PHACTR1: variants seen among roughly 807,000 people sequenced by gnomAD.
PHACTR1 encodes the protein RPEL repeat containing 1.
PHACTR1 carries 16 observed loss-of-function variants against 69.2 expected under a neutral mutation model. The ratio of observed to expected loss-of-function variants is 0.23; its 90% CI spans 0.16 to 0.35. PHACTR1 has a LOEUF of 0.35. Ranked by LOEUF, PHACTR1 falls within the 10% of genes least tolerant of loss-of-function variation. The pLI is 1.00. For synonymous variants in PHACTR1, 312 were observed against 284.5 expected (o/e 1.10, Z -0.97); for missense variants, 510 against 734.7 (o/e 0.69, Z 3.54).
intron 4 of PHACTR1, among the ~76,000 whole-genome samples, chr6:12,900,153 G>A (rs1342773702): frequency 6.6e-6 from 1 of 152,098 alleles, no homozygotes; most frequent in Non-Finnish European, 1.5e-5. Context: ...CAAACCACTT[G>A]TTCTTCCTCT....
At chr6:13,278,445 C>A in intron 12 of PHACTR1, 116 bp downstream of exon 12, 5 of 841,940 alleles carry the variant, frequency 5.9e-6, no homozygotes, top group Non-Finnish European at 9.5e-6. Flanking sequence ...CCTCCTGTGT[C>A]AGAGAGTGCC....
intron 8 of PHACTR1, among the ~76,000 whole-genome samples, chr6:13,210,805 GGTTTGGGTAAGTCTGTTT>G (rs1766695387): frequency 6.6e-6 from 1 of 151,892 alleles, no homozygotes; most frequent in Non-Finnish European, 1.5e-5. Flanking sequence ...ACCCTAGAAT[GGTTTGGGTAAGTCTGTTT>G]GTTTGGGTAA....
intron 9 of PHACTR1, among the ~76,000 whole-genome samples, chr6:13,229,830 C>T (rs568969785): frequency 6.6e-6 from 1 of 152,366 alleles, no homozygotes; most frequent in South Asian, 2.1e-4. Flanking sequence ...TCACAGGTTC[C>T]CCATGTGCTG....
chr6:13,286,992 G>A, intron 14 of PHACTR1, 71 bp from the exon 15 acceptor site: 2 of 1,532,472 alleles, frequency 1.3e-6, no homozygotes, highest in African/African-American at 1.4e-5. Context: ...CCCTGAAGAT[G>A]GGAGATTGGA....
chr6:13,157,531 G>T (rs942422404), intron 5 of PHACTR1, among the ~76,000 whole-genome samples: 2 of 152,192 alleles, frequency 1.3e-5, no homozygotes, highest in Admixed American at 6.5e-5. Context: ...TGTCCAGATG[G>T]CTGAGTGCTT....
intron 4 of PHACTR1, among the ~76,000 whole-genome samples, chr6:12,946,605 G>A (rs1033251228): frequency 1.3e-5 from 2 of 152,264 alleles, no homozygotes; most frequent in Non-Finnish European, 2.9e-5. Flanking sequence ...TGGCTTGAGA[G>A]AGAACTCAAC....
At chr6:13,097,148 T>C (rs890056042) in intron 5 of PHACTR1, among the ~76,000 whole-genome samples, 1 of 152,232 alleles carries the variant, frequency 6.6e-6, no homozygotes, top group Non-Finnish European at 1.5e-5. Flanking sequence ...CACACAATTA[T>C]AGACAGGGTC....
intron 4 of PHACTR1, among the ~76,000 whole-genome samples, chr6:12,819,276 A>T (rs527319231): frequency 6.6e-6 from 1 of 152,296 alleles, no homozygotes; most frequent in South Asian, 2.1e-4. Context: ...TTGAAAGGAA[A>T]ATTCTCTGCA....
At chr6:12,938,721 C>A (rs1284281685) in intron 4 of PHACTR1, among the ~76,000 whole-genome samples, 1 of 152,174 alleles carries the variant, frequency 6.6e-6, no homozygotes, top group Non-Finnish European at 1.5e-5. Flanking sequence ...TCCCCAGACT[C>A]CCATCTCCAA....
intron 6 of PHACTR1, among the ~76,000 whole-genome samples, chr6:13,174,716 T>TTC (rs34927928): frequency 0.33 from 50,004 of 150,132 alleles, 8,530 homozygotes; most frequent in Admixed American, 0.4. Context: ...ATCACATACA[T>TTC]TCTCTCTCTC....
chr6:13,095,749 C>CTTTTTTTTTTTTTTTTT (rs140109520), intron 5 of PHACTR1, among the ~76,000 whole-genome samples: 2 of 77,210 alleles, frequency 2.6e-5, no homozygotes, highest in African/African-American at 5.1e-5. Flanking sequence ...TTGTGAAGGG[C>CTTTTTTTTTTTTTTTTT]TTTTTTTTTT....
At chr6:12,805,370 T>A (rs1278650295) in intron 4 of PHACTR1, among the ~76,000 whole-genome samples, 1 of 152,220 alleles carries the variant, frequency 6.6e-6, no homozygotes, top group Non-Finnish European at 1.5e-5. Flanking sequence ...TTTCTAGAAG[T>A]GCGACACGTT....
intron 3 of PHACTR1, among the ~76,000 whole-genome samples, chr6:12,720,321 A>AG (rs2127555669): frequency 6.6e-6 from 1 of 152,342 alleles, no homozygotes; most frequent in Admixed American, 6.5e-5. Flanking sequence ...CAAAACAGAA[A>AG]GGGGGGCAGC....
intron 4 of PHACTR1, among the ~76,000 whole-genome samples, chr6:12,893,000 AAGAG>A (rs1003322113): frequency 6.6e-6 from 1 of 152,050 alleles, no homozygotes; most frequent in Admixed American, 6.5e-5. Context: ...CCAGAGAAGG[AAGAG>A]AGAGAGAGAA....
intron 10 of PHACTR1, among the ~76,000 whole-genome samples, chr6:13,259,875 A>T (rs1775672339): frequency 6.6e-6 from 1 of 152,208 alleles, no homozygotes; most frequent in African/African-American, 2.4e-5. Flanking sequence ...GCCTGGGAAG[A>T]GCTGGGCGTG....
chr6:12,810,871 T>G (rs1403980909), intron 4 of PHACTR1, among the ~76,000 whole-genome samples: 2 of 152,248 alleles, frequency 1.3e-5, no homozygotes, highest in African/African-American at 4.8e-5. Flanking sequence ...GTCTCTCACA[T>G]TCTAACTCCT....
At chr6:12,898,503 G>A (rs761152107) in intron 4 of PHACTR1, among the ~76,000 whole-genome samples, 1 of 152,176 alleles carries the variant, frequency 6.6e-6, no homozygotes, top group Non-Finnish European at 1.5e-5. Context: ...CCAGAAACCT[G>A]GCAATCCTCC....
At chr6:13,003,383 A>G (rs1398464804) in intron 4 of PHACTR1, among the ~76,000 whole-genome samples, 1 of 152,196 alleles carries the variant, frequency 6.6e-6, no homozygotes, top group Non-Finnish European at 1.5e-5. Flanking sequence ...GTTTTAAAAT[A>G]CTTTTAAAAA....
Position 13,262,435 on chromosome 6 carries a change from A to G in PHACTR1, c.1392-10425A>G, listed in dbSNP as rs557638744. 3.3e-5 allele frequency among the ~76,000 whole-genome samples: 5 copies of G among 152,336 alleles called. No individual in the cohort carries two copies. In the South Asian group the frequency reaches 1.0e-3, roughly 32 times the overall value. ...TATGACTGGAGGTTTAGATTTTGGAATCATCAGCATATTGATGCTATTGGA... is the reference window on the plus strand; with the variant it reads ...TATGACTGGAGGTTTAGATTTTGGAGTCATCAGCATATTGATGCTATTGGA... On this transcript the variant is annotated intron_variant, in intron 10 of 14. Transcript: ENST00000332995.
Sources: gnomAD v4.1 joint callset for allele counts (sites outside exome capture counted in the v4.1 genomes callset) on GRCh38, gnomAD v4.1.1 for gene constraint, MANE v1.5 for transcripts, NCBI Gene and HGNC (gene_info 2026-07-23, HGNC 2026-07-21) for gene names.